Variants in FOXP1 observed in about 807,000 individuals in gnomAD.
FOXP1 encodes forkhead box protein P1.
In FOXP1, 15 loss-of-function variants were observed where a neutral mutation model predicts 98.2. The observed-to-expected ratio is 0.15, with a 90% CI of 0.10 to 0.24. The LOEUF (loss-of-function observed/expected upper bound fraction) is 0.24, where lower values mean the gene tolerates loss of function less well. Among genes scored for constraint, FOXP1 ranks in the 10% least tolerant of loss-of-function variants. The pLI is 1.00. For synonymous variants in FOXP1, 371 were observed against 314.5 expected (o/e 1.18, Z -1.90); for missense variants, 633 against 848.5 (o/e 0.75, Z 3.15).
chr3:71,157,273 A>T (rs749981040), intron 6 of FOXP1, among the ~76,000 whole-genome samples: 17 of 152,212 alleles, frequency 1.1e-4, no homozygotes, highest in Admixed American at 2.0e-4. Context: ...GAGGGGATGG[A>T]GGAGAGAATA....
At chr3:71,162,245 T>G (rs1039056687) in intron 6 of FOXP1, among the ~76,000 whole-genome samples, 1 of 152,210 alleles carries the variant, frequency 6.6e-6, no homozygotes, top group African/African-American at 2.4e-5. Context: ...AGCCATTATT[T>G]GGAGAGCTGA....
intron 5 of FOXP1, among the ~76,000 whole-genome samples, chr3:71,208,510 CT>C (rs1290957772): frequency 1.4e-5 from 2 of 139,288 alleles, no homozygotes; most frequent in Non-Finnish European, 3.1e-5. Flanking sequence ...CTTTTTCTTT[CT>C]TTATCAAAAT....
In FOXP1 at chr3:71,581,702, A is replaced by G; in HGVS notation, c.-446-5T>C. 3.0e-6 allele frequency: 3 copies of G among 985,614 alleles called. No individual in the cohort carries two copies. Among genetic ancestry groups the G allele is most frequent in the South Asian group, 9.4e-5 (2 of 21,374 alleles). 61.1% of individuals were successfully genotyped at this position (985,614 alleles called of 1,614,324 possible). On this transcript the variant is annotated splice_region_variant and splice_polypyrimidine_tract_variant and intron_variant, in intron 1 of 20. Transcript: ENST00000649528. The stretch of plus-strand genomic sequence containing the variant: ...CCTCTTACAAACTTTCGGGTTCTGC[A>G]GTCGACAAGAAACCGGGGCGACCCT...
intron 13 of FOXP1, among the ~76,000 whole-genome samples, chr3:70,996,048 G>C (rs772536150): frequency 6.6e-6 from 1 of 152,098 alleles, no homozygotes; most frequent in African/African-American, 2.4e-5. Flanking sequence ...ATGCAATGGC[G>C]CAATCTCGGG....
chr3:71,117,839 G>C (rs189128260), intron 6 of FOXP1, among the ~76,000 whole-genome samples: 46 of 152,238 alleles, frequency 3.0e-4, no homozygotes, highest in South Asian at 4.1e-4. Context: ...TTCATGCTAG[G>C]CTCGGGTTAC....
intron 19 of FOXP1, among the ~76,000 whole-genome samples, chr3:70,966,944 CTAAG>C (rs773950842): frequency 3.3e-5 from 5 of 152,172 alleles, no homozygotes; most frequent in Non-Finnish European, 7.3e-5. Context: ...TACCACTGGA[CTAAG>C]TAAGGTACCC....
intron 3 of FOXP1, among the ~76,000 whole-genome samples, chr3:71,488,890 C>T (rs1445966319): frequency 6.6e-6 from 1 of 152,162 alleles, no homozygotes; most frequent in Non-Finnish European, 1.5e-5. Flanking sequence ...TAAGATCATT[C>T]GCTCCAGCTT....
intron 2 of FOXP1, among the ~76,000 whole-genome samples, chr3:71,561,568 A>G (rs964368862): frequency 6.6e-6 from 1 of 152,200 alleles, no homozygotes; most frequent in Non-Finnish European, 1.5e-5. Flanking sequence ...TCTCATCTAT[A>G]AAATGGAGAT....
Position 71,015,491 on chromosome 3 carries a change from T to G in FOXP1, c.974+58A>C, listed in dbSNP as rs1053211607. 6 of 1,190,040 alleles carry G rather than the reference T, an allele frequency of 5.0e-6. No homozygotes were observed. The African/African-American group carries it at 9.0e-5, about 18-fold the overall frequency. The allele number at this position is 1,190,040 out of a possible 1,614,324, so 73.7% of individuals were successfully genotyped here. A position where few individuals can be genotyped will look rare whatever the true frequency, so the allele number is the denominator to read the frequency against. On this transcript the variant is annotated intron_variant, in intron 12 of 20. Transcript: ENST00000649528. ...AAAAAGGCATTTTATGAGCAAAGCA[T>G]GAACGGTGGGAGGTGTTGGCTATGT...
chr3:71,258,372 A>T (rs1219790735), intron 5 of FOXP1, among the ~76,000 whole-genome samples: 1 of 152,238 alleles, frequency 6.6e-6, no homozygotes, highest in Non-Finnish European at 1.5e-5. Context: ...AGGAAGCAGT[A>T]ACAGGAGCTA....
chr3:71,260,750 G>A (rs2107178814), intron 5 of FOXP1, among the ~76,000 whole-genome samples: 1 of 151,748 alleles, frequency 6.6e-6, no homozygotes, highest in East Asian at 2.0e-4. Flanking sequence ...ACTATGCTGG[G>A]CCAGGCTGGT....
At chr3:71,541,314 T>G (rs545754452) in intron 2 of FOXP1, among the ~76,000 whole-genome samples, 1 of 152,358 alleles carries the variant, frequency 6.6e-6, no homozygotes, top group South Asian at 2.1e-4. Flanking sequence ...AAAAGCATTT[T>G]TTAATGAAAA....
At chr3:71,527,367 A>G (rs1404184150) in intron 2 of FOXP1, among the ~76,000 whole-genome samples, 4 of 152,114 alleles carry the variant, frequency 2.6e-5, no homozygotes, top group Non-Finnish European at 4.4e-5. Context: ...CCAGATGCTC[A>G]CTCTCTCACC....
upstream of FOXP1, chr3:71,583,787 C>T: frequency 2.0e-6 from 2 of 986,794 alleles, no homozygotes; most frequent in Non-Finnish European, 2.4e-6. Flanking sequence ...ACTAGCTTCC[C>T]GGAGCCCAGC....
At chr3:71,454,319 C>T (rs979585156) in intron 3 of FOXP1, among the ~76,000 whole-genome samples, 1 of 152,134 alleles carries the variant, frequency 6.6e-6, no homozygotes, top group African/African-American at 2.4e-5. Context: ...ATACACGAGG[C>T]ACATCATCTG....
At chr3:71,527,500 T>G (rs2043485738) in intron 2 of FOXP1, among the ~76,000 whole-genome samples, 1 of 152,160 alleles carries the variant, frequency 6.6e-6, no homozygotes, top group South Asian at 2.1e-4. Flanking sequence ...AGACGATCTC[T>G]CACCCAAAAA....
At chr3:71,426,028 C>T (rs1201496308) in intron 3 of FOXP1, among the ~76,000 whole-genome samples, 1 of 152,158 alleles carries the variant, frequency 6.6e-6, no homozygotes, top group East Asian at 1.9e-4. Flanking sequence ...ACTGAAAATA[C>T]CCTAGCATCA....
intron 2 of FOXP1, among the ~76,000 whole-genome samples, chr3:71,501,631 C>T (rs975153563): frequency 2.0e-5 from 3 of 151,994 alleles, no homozygotes; most frequent in Admixed American, 6.6e-5. Context: ...CATGACCTTT[C>T]GAAGAAAATG....
intron 3 of FOXP1, among the ~76,000 whole-genome samples, chr3:71,483,658 G>A (rs1391366003): frequency 6.6e-6 from 1 of 152,150 alleles, no homozygotes; most frequent in African/African-American, 2.4e-5. Flanking sequence ...TGGCTGCTTA[G>A]AGGGGACAAA....
Sources: allele counts gnomAD v4.1 joint callset (sites outside exome capture counted in the v4.1 genomes callset), GRCh38; gene constraint gnomAD v4.1.1; transcripts MANE v1.5; gene names NCBI Gene and HGNC (gene_info 2026-07-23, HGNC 2026-07-21).